Variants in NAA50 observed in about 807,000 individuals in gnomAD.
The protein encoded by NAA50 is N-alpha-acetyltransferase 50, NatE catalytic subunit.
A neutral mutation model predicts 20.7 loss-of-function variants in NAA50; 7 were observed. The ratio of observed to expected loss-of-function variants is 0.34; its 90% confidence interval spans 0.19 to 0.63. NAA50 has a LOEUF of 0.63. NAA50 is among the 30% of genes least tolerant of loss of function. The pLI, the probability that NAA50 is intolerant of heterozygous loss-of-function variation, is 0.75. For synonymous variants in NAA50, 54 were observed against 70.6 expected, an observed-to-expected ratio of 0.77 and a Z score of 1.18; for missense variants, 111 against 199.1, an observed-to-expected ratio of 0.56 and a Z score of 2.66.
intron 1 of NAA50, among the ~76,000 whole-genome samples, chr3:113,731,469 G>A (rs904515469): frequency 6.6e-6 from 1 of 151,958 alleles, no homozygotes; most frequent in Non-Finnish European, 1.5e-5. Context: ...TCCTTAAGCA[G>A]CCTTCTTGAG....
intron 1 of NAA50, chr3:113,739,729 C>T (rs1316567620): frequency 6.6e-6 from 1 of 152,170 alleles, no homozygotes; most frequent in Non-Finnish European, 1.5e-5. Context: ...GTATAAACAG[C>T]CATAAACTTT....
At chr3:113,735,217 G>C (rs557419655) in intron 1 of NAA50, among the ~76,000 whole-genome samples, 37 of 152,296 alleles carry the variant, frequency 2.4e-4, no homozygotes, top group Non-Finnish European at 5.9e-5. Flanking sequence ...CAAGAGAAGG[G>C]AGGAAAAAAC....
intron 1 of NAA50, among the ~76,000 whole-genome samples, chr3:113,726,353 A>G (rs1483618257): frequency 6.6e-6 from 1 of 152,192 alleles, no homozygotes; most frequent in East Asian, 1.9e-4. Context: ...TTTGACAACT[A>G]TAATGAATTC....
Position 113,720,890 on chromosome 3 carries a change from T to C in NAA50, c.*870A>G, listed in dbSNP as rs569274569. ...GTGACCTATAAGGACATCAACTCAATTTTTAAGGTTAGACTATTGTTGGGT... is the reference window on the plus strand; with the variant it reads ...GTGACCTATAAGGACATCAACTCAACTTTTAAGGTTAGACTATTGTTGGGT... On this transcript the variant is annotated 3_prime_UTR_variant, in exon 5 of 5. Transcript: ENST00000240922. 6.6e-6 allele frequency: 1 copy of C among 152,636 alleles called. No homozygotes were observed. The highest frequency in any genetic ancestry group is 2.1e-4 in the South Asian group (1 of 4,834). 9.5% of individuals were successfully genotyped at this position (152,636 alleles called of 1,614,324 possible). A position where few individuals can be genotyped will look rare whatever the true frequency, so the allele number is the denominator to read the frequency against.
intron 2 of NAA50, 78 bp downstream of exon 2, chr3:113,723,881 T>A (rs538082365): frequency 1.4e-6 from 2 of 1,415,358 alleles, no homozygotes; most frequent in Non-Finnish European, 1.9e-6. Context: ...AGTTAACTTC[T>A]TCTGCTCTAT....
At chr3:113,738,830 T>C (rs926380939) in intron 1 of NAA50, among the ~76,000 whole-genome samples, 6 of 152,218 alleles carry the variant, frequency 3.9e-5, no homozygotes, top group African/African-American at 7.2e-5. Context: ...GTGTTTGAAG[T>C]GCTCCTAAGT....
At chr3:113,733,428 T>A (rs138230373) in intron 1 of NAA50, among the ~76,000 whole-genome samples, 1 of 151,998 alleles carries the variant, frequency 6.6e-6, no homozygotes, top group Admixed American at 6.5e-5. Flanking sequence ...TGGATTCTAA[T>A]GTGAAAAAAA....
chr3:113,739,224 C>T (rs915391002), intron 1 of NAA50, among the ~76,000 whole-genome samples: 8 of 152,140 alleles, frequency 5.3e-5, no homozygotes, highest in Admixed American at 1.3e-4. Context: ...ATGTATTGAA[C>T]GCATCGCAAA....
Position 113,722,981 on chromosome 3 carries a change from AAAAT to A in NAA50, c.266-13_266-10del, listed in dbSNP as rs550669208. On this transcript the variant is annotated splice_polypyrimidine_tract_variant and intron_variant, in intron 3 of 4. Transcript: ENST00000240922. ...ATTTAACATTTTAGTTCCTGTTAAT[AAAAT>A]AAATAACAAACACGTGACTTCATAA... The A allele has an allele frequency of 5.3e-5, 80 of 1,517,848 alleles. No homozygotes were observed. Among genetic ancestry groups the A allele is most frequent in the African/African-American group, 4.9e-4 (35 of 71,816 alleles). The allele number at this position is 1,517,848 out of a possible 1,614,324, so 94.0% of individuals were successfully genotyped here. A position where few individuals can be genotyped will look rare whatever the true frequency, so the allele number is the denominator to read the frequency against.
At chr3:113,731,235 TTATG>T (rs1348239326) in intron 1 of NAA50, among the ~76,000 whole-genome samples, 2 of 152,314 alleles carry the variant, frequency 1.3e-5, no homozygotes, top group Non-Finnish European at 2.9e-5. Context: ...CATTTGTAAG[TTATG>T]TATGTTGCAA....
chr3:113,730,889 C>T (rs1708263269), intron 1 of NAA50, among the ~76,000 whole-genome samples: 1 of 152,154 alleles, frequency 6.6e-6, no homozygotes, highest in African/African-American at 2.4e-5. Flanking sequence ...TAAACATTTA[C>T]ATATAAGTTT....
chr3:113,726,705 C>T (rs1708203553), intron 1 of NAA50, among the ~76,000 whole-genome samples: 1 of 150,538 alleles, frequency 6.6e-6, no homozygotes, highest in Admixed American at 6.6e-5. Context: ...GATCGCACCA[C>T]TGTACTCCAG....
At chr3:113,730,009 G>A (rs142992369) in intron 1 of NAA50, among the ~76,000 whole-genome samples, 18 of 152,120 alleles carry the variant, frequency 1.2e-4, no homozygotes, top group African/African-American at 4.3e-4. Flanking sequence ...GGTCCATTAA[G>A]ATTTAATGGG....
At chr3:113,734,853 A>C (rs1048091280) in intron 1 of NAA50, among the ~76,000 whole-genome samples, 1 of 152,218 alleles carries the variant, frequency 6.6e-6, no homozygotes, top group Non-Finnish European at 1.5e-5. Context: ...TTCCATCAAA[A>C]CTAGTGTCAA....
At chr3:113,726,754 AAAAG>A (rs1553705380) in intron 1 of NAA50, among the ~76,000 whole-genome samples, 13 of 152,028 alleles carry the variant, frequency 8.6e-5, no homozygotes, top group South Asian at 2.1e-4. Context: ...AAAAAAAAAA[AAAAG>A]AAAGAAAGAA....
Position 113,746,062 on chromosome 3 carries a change from T to A in NAA50, c.-113A>T. On this transcript the variant is annotated 5_prime_UTR_variant, in exon 1 of 5. Transcript: ENST00000240922. ...CACTCAACCCCGCAAGCCGGCCTCC[T>A]AGCCTGGGCAGGGAGCTGTGCGAGC... The A allele has an allele frequency of 7.0e-7, 1 of 1,421,950 alleles. No individual in the cohort carries two copies. Among genetic ancestry groups the A allele is most frequent in the Non-Finnish European group, 9.6e-7 (1 of 1,046,042 alleles). The allele number at this position is 1,421,950 out of a possible 1,614,324, so 88.1% of individuals were successfully genotyped here.
chr3:113,736,700 G>GT (rs1426460486), intron 1 of NAA50, among the ~76,000 whole-genome samples: 13 of 152,166 alleles, frequency 8.5e-5, no homozygotes, highest in South Asian at 6.2e-4. Flanking sequence ...GTAAAAAGTG[G>GT]TTTTTTTAAG....
intron 1 of NAA50, among the ~76,000 whole-genome samples, chr3:113,738,065 G>A (rs1708369377): frequency 6.6e-6 from 1 of 152,070 alleles, no homozygotes; most frequent in South Asian, 2.1e-4. Context: ...GCGAAGGTGG[G>A]GTGGATCAGC....
At chr3:113,736,042 T>C (rs1223579254) in intron 1 of NAA50, among the ~76,000 whole-genome samples, 2 of 152,238 alleles carry the variant, frequency 1.3e-5, no homozygotes, top group Non-Finnish European at 2.9e-5. Flanking sequence ...GATGCTAATA[T>C]TTAAATGAAA....
Sources: allele counts gnomAD v4.1 joint callset (sites outside exome capture counted in the v4.1 genomes callset), GRCh38; gene constraint gnomAD v4.1.1; transcripts MANE v1.5; gene names NCBI Gene and HGNC (gene_info 2026-07-23, HGNC 2026-07-21).